The following SCN8A variants were observed in gnomAD, a reference collection of about 807,000 sequenced individuals.
The protein encoded by SCN8A is sodium voltage-gated channel alpha subunit 8.
SCN8A carries 30 observed loss-of-function variants against 184.1 expected under a neutral mutation model. That is an observed-to-expected ratio of 0.16 (90% confidence interval 0.12 to 0.22). The LOEUF is 0.22. Among genes scored for constraint, SCN8A ranks in the 10% least tolerant of loss-of-function variants. The pLI is 1.00. For synonymous variants in SCN8A, 852 were observed against 907.0 expected (o/e 0.94, Z 1.09); for missense variants, 1,057 against 2,498.9 (o/e 0.42, Z 12.30).
intron 2 of SCN8A, among the ~76,000 whole-genome samples, chr12:51,676,714 T>C (rs191643095): frequency 6.6e-6 from 1 of 152,332 alleles, no homozygotes; most frequent in East Asian, 1.9e-4. Context: ...GGGACAGTCA[T>C]AAGTCATTGC....
intron 12 of SCN8A, among the ~76,000 whole-genome samples, chr12:51,728,894 GACT>G (rs890980670): frequency 1.1e-4 from 16 of 151,742 alleles, no homozygotes; most frequent in African/African-American, 3.4e-4. Flanking sequence ...TTATTACCTT[GACT>G]ACAGCTTCCC....
In SCN8A at chr12:51,770,632, C is replaced by T. The variant is rs1942911630; in HGVS notation, c.3594C>T (p.Asn1198=). 1.2e-6 allele frequency: 2 copies of T among 1,614,208 alleles called. No homozygotes were observed. The highest frequency in any genetic ancestry group is 1.7e-6 in the Non-Finnish European group (2 of 1,180,028). Residue 1198 remains asparagine, a synonymous_variant, in exon 19 of 27, where the codon AAC becomes AAT. Transcript: ENST00000627620. The stretch of plus-strand genomic sequence containing the variant: ...CCTGCTTCCTCATCGTGGAGCACAA[C>T]TGGTTTGAGACCTTCATCATCTTCA... ...RKTCFLIVEH[N]WFETFIIFMI...
At chr12:51,745,339 G>A (rs908619935) in intron 12 of SCN8A, among the ~76,000 whole-genome samples, 1 of 152,132 alleles carries the variant, frequency 6.6e-6, no homozygotes, top group Non-Finnish European at 1.5e-5. Context: ...AGGAGATCTG[G>A]AGCAGATCTT....
chr12:51,604,995 C>G (rs753275964), intron 1 of SCN8A, among the ~76,000 whole-genome samples: 1 of 152,160 alleles, frequency 6.6e-6, no homozygotes, highest in Non-Finnish European at 1.5e-5. Context: ...TCACCCTCCT[C>G]CTAACGTCCA....
chr12:51,769,078 G>A lies in SCN8A; in HGVS notation c.3115G>A (p.Glu1039Lys), dbSNP rs1423545337. The change falls in exon 17 of 27, where the codon GAA (glutamate) becomes AAA (lysine). Residue 1039 changes from glutamate (E) to lysine (K), a missense_variant. By Grantham distance (56) the Glu-to-Lys change is moderately conservative. Around this residue, in one of 19 missense-constraint regions of SCN8A, gnomAD observed 178 missense variants for 259.6 expected, o/e 0.69. Transcript: ENST00000627620. ...GGTGAAGCCTCTGGATGAGTTGTAT[G>A]AAAAGAAGGCCAACTGTATCGCCAA... ...DEVKPLDELY[E>K]KKANCIANHT... 6.2e-7 allele frequency: 1 copy of A among 1,613,930 alleles called. No individual in the cohort carries two copies.
intron 14 of SCN8A, among the ~76,000 whole-genome samples, chr12:51,755,306 G>A (rs1368609494): frequency 1.3e-5 from 2 of 152,168 alleles, no homozygotes; most frequent in East Asian, 1.9e-4. Flanking sequence ...TATTTTATCT[G>A]AGTTACAATC....
At chr12:51,770,743 T>C in intron 19 of SCN8A, 60 bp downstream of exon 19, 2 of 1,569,110 alleles carry the variant, frequency 1.3e-6, no homozygotes, top group Non-Finnish European at 1.7e-6. Context: ...GAGAAGCCAG[T>C]GGGAAAAGGC....
intron 21 of SCN8A, among the ~76,000 whole-genome samples, chr12:51,781,212 G>C (rs189901462): frequency 1.2e-4 from 19 of 152,250 alleles, no homozygotes; most frequent in Non-Finnish European, 2.5e-4. Flanking sequence ...CACTGAGAAA[G>C]CAGCTGAGAA....
At chr12:51,697,494 A>G (rs1941615017) in intron 6 of SCN8A, among the ~76,000 whole-genome samples, 1 of 152,202 alleles carries the variant, frequency 6.6e-6, no homozygotes, top group Non-Finnish European at 1.5e-5. Context: ...TGAAAAGTCT[A>G]GGTGATTACT....
At chr12:51,695,856 T>C (rs1941583938) in intron 6 of SCN8A, among the ~76,000 whole-genome samples, 1 of 152,200 alleles carries the variant, frequency 6.6e-6, no homozygotes. Flanking sequence ...CCCAGACATC[T>C]GCAACTACTG....
chr12:51,629,042 A>G (rs1424482310), intron 1 of SCN8A, among the ~76,000 whole-genome samples: 1 of 152,238 alleles, frequency 6.6e-6, no homozygotes, highest in Non-Finnish European at 1.5e-5. Context: ...ACTGCCATGC[A>G]GAACAGGGAT....
At position 51,721,887 on chromosome 12, in the gene SCN8A, C is replaced by T. The variant is rs886049583; in HGVS notation, c.1977C>T (p.Ile659=). Reference sequence around the variant, plus strand: ...TCATCGGCGGCCCCGGCTCCCACATCGGCGGGCGTCTCCTGCCAGAGGTGA... The same window carrying T: ...TCATCGGCGGCCCCGGCTCCCACATTGGCGGGCGTCTCCTGCCAGAGGTGA... ...VSLIGGPGSH[I]GGRLLPEATT... Residue 659 remains isoleucine (I), a synonymous_variant, in exon 12 of 27, where the codon ATC becomes ATT. Transcript: ENST00000627620. 5 of 1,600,736 alleles carry T rather than the reference C, an allele frequency of 3.1e-6. No homozygotes were observed. The highest frequency in any genetic ancestry group is 1.6e-4 in the Middle Eastern group (1 of 6,062).
chr12:51,772,272 G>A (rs1288484816), intron 19 of SCN8A, among the ~76,000 whole-genome samples: 1 of 152,032 alleles, frequency 6.6e-6, no homozygotes, highest in East Asian at 1.9e-4. Flanking sequence ...GTGCATGCCT[G>A]TAATCCCAGC....
At chr12:51,773,841 G>A (rs1313081805) in intron 19 of SCN8A, among the ~76,000 whole-genome samples, 2 of 152,140 alleles carry the variant, frequency 1.3e-5, no homozygotes, top group Admixed American at 6.5e-5. Context: ...GAAAGTAGGT[G>A]AGTGGCTGCC....
chr12:51,797,272 A>G (rs777557642), intron 26 of SCN8A, among the ~76,000 whole-genome samples: 3 of 152,246 alleles, frequency 2.0e-5, no homozygotes, highest in Non-Finnish European at 4.4e-5. Flanking sequence ...ATGCTATTAC[A>G]TAAAGTTAAC....
At chr12:51,629,565 A>G (rs1940152957) in intron 1 of SCN8A, among the ~76,000 whole-genome samples, 1 of 133,314 alleles carries the variant, frequency 7.5e-6, no homozygotes, top group Admixed American at 8.4e-5. Context: ...TTGCAAGTGA[A>G]TTCTGCATCA....
chr12:51,767,245 T>G (rs1164947464), intron 16 of SCN8A, among the ~76,000 whole-genome samples: 1 of 152,178 alleles, frequency 6.6e-6, no homozygotes, highest in African/African-American at 2.4e-5. Context: ...TTGCCACCCT[T>G]TCTTCACTCT....
intron 1 of SCN8A, among the ~76,000 whole-genome samples, chr12:51,630,193 A>G (rs1392152931): frequency 1.3e-5 from 2 of 152,150 alleles, no homozygotes; most frequent in African/African-American, 4.8e-5. Flanking sequence ...TTGTTATGTA[A>G]CCATCAGCAC....
chr12:51,597,323 C>G (rs1454694528), intron 1 of SCN8A, among the ~76,000 whole-genome samples: 1 of 152,134 alleles, frequency 6.6e-6, no homozygotes, highest in Non-Finnish European at 1.5e-5. Context: ...AAGCACTGAA[C>G]TCCCTCAAAA....
Sources: gnomAD v4.1 joint callset for allele counts (sites outside exome capture counted in the v4.1 genomes callset) on GRCh38, gnomAD v4.1.1 for gene constraint, gnomAD v4.1.1 regional missense constraint, MANE v1.5 for transcripts, NCBI Gene and HGNC (gene_info 2026-07-23, HGNC 2026-07-21) for gene names.